Variants in COL4A4 observed in about 807,000 individuals in gnomAD.
COL4A4 encodes the protein collagen type IV alpha 4 chain, also known as collagen alpha-4(IV) chain.
COL4A4 carries 105 observed loss-of-function variants against 192.9 expected under a neutral mutation model. That is an observed-to-expected ratio of 0.54 (90% CI 0.46 to 0.64). The LOEUF is 0.64. Among genes scored for constraint, COL4A4 ranks in the 30% least tolerant of loss-of-function variants. COL4A4 has a pLI of 0.00. For missense variants in COL4A4, 1,967 were observed against 2,169.3 expected (o/e 0.91, Z 1.85); for synonymous variants, 762 against 769.9 (o/e 0.99, Z 0.17).
At chr2:226,996,470 C>CT in the COL4A4 span, 1 of 152,248 alleles carries the variant, frequency 6.6e-6, no homozygotes, top group Non-Finnish European at 1.5e-5. Flanking sequence ...GATTGTCTGT[C>CT]TGAGTCGTTT....
chr2:227,140,897 AC>A (rs1310063921), intron 3 of COL4A4, among the ~76,000 whole-genome samples: 5 of 145,684 alleles, frequency 3.4e-5, no homozygotes, highest in African/African-American at 1.4e-4. Context: ...ACACACACAC[AC>A]ACACACACAC....
chr2:227,151,955 G>T (rs1031520103), intron 1 of COL4A4, among the ~76,000 whole-genome samples: 1 of 152,238 alleles, frequency 6.6e-6, no homozygotes, highest in African/African-American at 2.4e-5. Context: ...TAGGTATTTT[G>T]TTGTAGCAGC....
intron 15 of COL4A4, 90 bp downstream of exon 15, chr2:227,102,699 T>G: frequency 3.2e-5 from 35 of 1,096,690 alleles, no homozygotes; most frequent in Non-Finnish European, 4.8e-5. Context: ...TCTTCACTTT[T>G]GAGCTTGTGG....
At position 227,044,094 on chromosome 2, in the gene COL4A4, AT is replaced by A. The variant is rs1373717517; in HGVS notation, c.3290-911del. ...AGTTTTCTAGAACAGACCATTCAACATTTGGTTCTTGATACAGGTTGCCAGT... is the reference window on the plus strand; with the variant it reads ...AGTTTTCTAGAACAGACCATTCAACATTGGTTCTTGATACAGGTTGCCAGT... On this transcript the variant is annotated intron_variant, in intron 35 of 47. Transcript: ENST00000396625. 5.9e-5 allele frequency among the ~76,000 whole-genome samples: 9 copies of A among 152,280 alleles called. No individual in the cohort carries two copies. The East Asian group carries it at 1.7e-3, about 29-fold the overall frequency.
the COL4A4 span, among the ~76,000 whole-genome samples, chr2:226,987,666 GA>G: frequency 6.6e-6 from 1 of 152,234 alleles, no homozygotes; most frequent in Non-Finnish European, 1.5e-5. Flanking sequence ...TGAGGGGCCT[GA>G]GGCCCAGGGA....
At position 227,060,227 on chromosome 2, in the gene COL4A4, T is replaced by C. The variant is rs368774059; in HGVS notation, c.2073A>G (p.Pro691=). The change falls in exon 27 of 48, where the codon CCA becomes CCG. Residue 691 remains proline, a synonymous_variant. Coordinates refer to ENST00000396625, the MANE Select transcript of COL4A4 (RefSeq NM_000092.5). ...FDGPPGPKGF[P]GPQGAPGLSG... ...TCAGCCCAGGGGCACCTTGGGGACC[T>C]GGAAATCCCTTCGGACCTAAACAAT... 2.5e-5 allele frequency: 41 copies of C among 1,611,446 alleles called. No homozygotes were observed. In the African/African-American group the frequency reaches 5.0e-4, roughly 19 times the overall value.
chr2:227,043,074 T>A lies in COL4A4; in HGVS notation c.3397+3A>T. 6.2e-7 allele frequency: 1 copy of A among 1,608,864 alleles called. No individual in the cohort carries two copies. Among genetic ancestry groups the A allele is most frequent in the Non-Finnish European group, 8.5e-7 (1 of 1,176,192 alleles). On this transcript the variant is annotated splice_donor_region_variant and intron_variant, in intron 36 of 47. Coordinates refer to ENST00000396625, the MANE Select transcript of COL4A4 (RefSeq NM_000092.5). ...GAAGTCTCCAGATTTCCTTTCAAGG[T>A]ACCTGGGCACCCTGGTGGTCCAGAG...
rs1479512818 is a variant in COL4A4 at position 227,078,074 on chromosome 2, C to T, written c.1807G>A (p.Asp603Asn). 1 of 1,613,786 alleles carries T rather than the reference C, an allele frequency of 6.2e-7. No homozygotes were observed. The highest frequency in any genetic ancestry group is 8.5e-7 in the Non-Finnish European group (1 of 1,179,958). Residue 603 changes from aspartate to asparagine, a missense_variant, in exon 25 of 48, where the codon GAT (aspartate) becomes AAT (asparagine). Transcript: ENST00000396625. Reference sequence around the variant, plus strand: ...CCACCTGGGGTCGCATCTTCATGATCCCCCTGGGAATGTTATGTCATGAGT... The same window carrying T: ...CCACCTGGGGTCGCATCTTCATGATTCCCCTGGGAATGTTATGTCATGAGT... Reference protein sequence around the residue: ...GEKGDPGPPGDHEDATPGGKG... With the variant: ...GEKGDPGPPGNHEDATPGGKG...
chr2:227,032,034 G>A lies in COL4A4; in HGVS notation c.3728C>T (p.Pro1243Leu), dbSNP rs1968535938. The A allele has an allele frequency of 1.9e-6, 3 of 1,614,106 alleles. No homozygotes were observed. The highest frequency in any genetic ancestry group is 2.5e-6 in the Non-Finnish European group (3 of 1,179,976). Residue 1243 changes from proline to leucine, a missense_variant, in exon 40 of 48, where the codon CCT (proline) becomes CTT (leucine). By Grantham distance (98) the Pro-to-Leu change is moderately conservative. Transcript: ENST00000396625. The part of the protein sequence containing the change: ...GPPGSSGPPG[P>L]AGATGRAPKD... Reference sequence around the variant, plus strand: ...AGGAGCTCTTCCTGTGGCACCTGCAGGACCAGGTGGTCCTGAACTCCCTAA... The same window carrying A: ...AGGAGCTCTTCCTGTGGCACCTGCAAGACCAGGTGGTCCTGAACTCCCTAA...
chr2:227,014,102 A>C (rs7570869), intron 44 of COL4A4, among the ~76,000 whole-genome samples: 73,261 of 152,060 alleles, frequency 0.48, 18,066 homozygotes, highest in African/African-American at 0.58. Context: ...TGCGTCCACA[A>C]GTAGTAGAGT....
At chr2:227,036,358 T>C (rs768839342) in intron 37 of COL4A4, among the ~76,000 whole-genome samples, 10 of 152,210 alleles carry the variant, frequency 6.6e-5, no homozygotes, top group Non-Finnish European at 7.3e-5. Flanking sequence ...AGCTTTTATA[T>C]GGGCTCATAC....
At chr2:227,081,958 T>C (rs182884849) in intron 23 of COL4A4, among the ~76,000 whole-genome samples, 157 bp downstream of exon 23, 1 of 152,324 alleles carries the variant, frequency 6.6e-6, no homozygotes, top group African/African-American at 2.4e-5. Flanking sequence ...TCAACATTCA[T>C]ACAACCTTAT....
intron 7 of COL4A4, among the ~76,000 whole-genome samples, chr2:227,115,887 G>C (rs972994565): frequency 6.6e-6 from 1 of 150,906 alleles, no homozygotes. Flanking sequence ...TCACCATTGT[G>C]TATTGAGTAC....
chr2:227,059,712 T>C lies in COL4A4; in HGVS notation c.2165-89A>G, dbSNP rs183598365. 4.0e-4 allele frequency: 416 copies of C among 1,028,082 alleles called. 1 individual carries two copies. The highest frequency in any genetic ancestry group is 1.2e-5 in the Non-Finnish European group (8 of 663,756). The allele number at this position is 1,028,082 out of a possible 1,614,324, so 63.7% of individuals were successfully genotyped here. On this transcript the variant is annotated intron_variant, in intron 27 of 47. Transcript: ENST00000396625. Reference sequence around the variant, plus strand: ...AGACTTACTTTGATAAAAATACTTTTCTTAAAAACACAGGGGTACTTACTA... The same window carrying C: ...AGACTTACTTTGATAAAAATACTTTCCTTAAAAACACAGGGGTACTTACTA...
intron 17 of COL4A4, 93 bp from the exon 18 acceptor site, chr2:227,099,782 T>C (rs2060406198): frequency 9.5e-7 from 1 of 1,049,246 alleles, no homozygotes; most frequent in African/African-American, 1.6e-5. Context: ...CATGTGCACA[T>C]TCATATAAGA....
intron 40 of COL4A4, 129 bp downstream of exon 40, chr2:227,031,816 C>T (rs1025626392): frequency 3.9e-5 from 29 of 752,816 alleles, no homozygotes; most frequent in African/African-American, 8.6e-5. Context: ...TCCCACTTAT[C>T]GACCTGCCAA....
At position 227,041,797 on chromosome 2, in the gene COL4A4, A is replaced by G. The variant is rs1217226702; in HGVS notation, c.3505+351T>C. Reference sequence around the variant, plus strand: ...AAGGAAGGAAGGAAGGGAAAGAAAGAAAGAAAGGAAGAAAGAAAGAAAGAA... The same window carrying G: ...AAGGAAGGAAGGAAGGGAAAGAAAGGAAGAAAGGAAGAAAGAAAGAAAGAA... On this transcript the variant is annotated intron_variant, in intron 37 of 47. Coordinates refer to ENST00000396625, the MANE Select transcript of COL4A4 (RefSeq NM_000092.5). Among the ~76,000 whole-genome samples the G allele has an allele frequency of 8.8e-3, 502 of 56,840 alleles. 33 individuals carry two copies. The highest frequency in any genetic ancestry group is 0.016 in the East Asian group (30 of 1,898). The allele number at this position is 56,840 out of a possible 152,430, so 37.3% of individuals were successfully genotyped here.
intron 37 of COL4A4, among the ~76,000 whole-genome samples, chr2:227,034,507 ATC>A (rs904219668): frequency 1.3e-5 from 2 of 150,622 alleles, no homozygotes; most frequent in African/African-American, 2.4e-5. Context: ...AAAACTTCCT[ATC>A]TCATCAGTAG....
At chr2:227,160,333 GATTTC>G (rs1449996357) in intron 1 of COL4A4, among the ~76,000 whole-genome samples, 1 of 152,206 alleles carries the variant, frequency 6.6e-6, no homozygotes, top group Non-Finnish European at 1.5e-5. Flanking sequence ...GCATGTGGTA[GATTTC>G]ATTTCCCTGC....
Sources: gnomAD v4.1 joint callset for allele counts (sites outside exome capture counted in the v4.1 genomes callset) on GRCh38, gnomAD v4.1.1 for gene constraint, MANE v1.5 for transcripts, NCBI Gene and HGNC (gene_info 2026-07-23, HGNC 2026-07-21) for gene names.